The following TDRD5 variants were observed in gnomAD, a reference collection of about 807,000 sequenced individuals.
TDRD5 encodes tudor domain-containing protein 5.
TDRD5 carries 41 observed loss-of-function variants against 120.6 expected under a neutral mutation model. That is an observed-to-expected ratio of 0.34 (90% confidence interval 0.26 to 0.44). The LOEUF (loss-of-function observed/expected upper bound fraction) is 0.44, where lower values mean the gene tolerates loss of function less well. Among genes scored for constraint, TDRD5 ranks in the 20% least tolerant of loss-of-function variants. The pLI, the probability that TDRD5 is intolerant of heterozygous loss-of-function variation, is 1.00. For missense variants in TDRD5, 1,006 were observed against 1,221.2 expected, an observed-to-expected ratio of 0.82 and a Z score of 2.63; for synonymous variants, 430 against 433.7, an observed-to-expected ratio of 0.99 and a Z score of 0.11.
rs139072613 is a variant in TDRD5, at chr1:179,619,703, A to G, written c.915+1021A>G. 6.7e-4 allele frequency among the ~76,000 whole-genome samples: 102 copies of G among 152,012 alleles called. No individual in the cohort carries two copies. The East Asian group carries it at 0.019, about 28-fold the overall frequency. ...CGTGGTGCAATCATAGCTCACTGCA[A>G]CCATCAACTCTGGGCTCAAGCAATC... On this transcript the variant is annotated intron_variant, in intron 5 of 17. Transcript: ENST00000444136.
intron 11 of TDRD5, among the ~76,000 whole-genome samples, chr1:179,640,855 A>G (rs1678005788): frequency 6.6e-6 from 1 of 152,218 alleles, no homozygotes; most frequent in Admixed American, 6.5e-5. Flanking sequence ...CAGCGGGTGC[A>G]TGGTAGAAAA....
chr1:179,673,849 G>C (rs1226268684), intron 17 of TDRD5, among the ~76,000 whole-genome samples: 1 of 152,140 alleles, frequency 6.6e-6, no homozygotes, highest in Non-Finnish European at 1.5e-5. Context: ...TTGATTCTCA[G>C]CTTGGTCACT....
chr1:179,636,553 T>G (rs1213054443), intron 9 of TDRD5, among the ~76,000 whole-genome samples: 1 of 152,218 alleles, frequency 6.6e-6, no homozygotes, highest in Non-Finnish European at 1.5e-5. Context: ...CAAAGCTGCT[T>G]CTAAGCATGG....
chr1:179,652,251 T>C, intron 13 of TDRD5, 54 bp downstream of exon 13: 1 of 1,482,700 alleles, frequency 6.7e-7, no homozygotes, highest in Non-Finnish European at 9.0e-7. Context: ...GTAATCCTCA[T>C]TTTTTTAGAT....
chr1:179,609,340 AATTTTATACAAT>A (rs1676161200), intron 4 of TDRD5, among the ~76,000 whole-genome samples: 1 of 152,184 alleles, frequency 6.6e-6, no homozygotes, highest in African/African-American at 2.4e-5. Flanking sequence ...AGCTGAAGGC[AATTTTATACAAT>A]ATTTTAGATA....
intron 17 of TDRD5, among the ~76,000 whole-genome samples, chr1:179,681,943 T>C (rs866970351): frequency 0.017 from 24 of 1,438 alleles, no homozygotes; most frequent in Middle Eastern, 0.5. Flanking sequence ...TTTTTCTTTT[T>C]TTTTTTTTTT....
At chr1:179,629,416 G>A (rs1171839551) in intron 6 of TDRD5, among the ~76,000 whole-genome samples, 6 of 151,802 alleles carry the variant, frequency 4.0e-5, no homozygotes, top group African/African-American at 9.7e-5. Flanking sequence ...TAATTTGCAC[G>A]ATAGATTAAG....
At chr1:179,652,307 C>A in intron 13 of TDRD5, 110 bp downstream of exon 13, 1 of 1,088,602 alleles carries the variant, frequency 9.2e-7, no homozygotes, top group Non-Finnish European at 1.3e-6. Context: ...GGAAATTTTG[C>A]ACAGTGATCT....
intron 7 of TDRD5, among the ~76,000 whole-genome samples, chr1:179,631,251 G>C (rs1432427230): frequency 6.6e-6 from 1 of 152,064 alleles, no homozygotes; most frequent in Non-Finnish European, 1.5e-5. Flanking sequence ...AACTAGCCAG[G>C]CGTGGTGGTG....
intron 16 of TDRD5, among the ~76,000 whole-genome samples, chr1:179,664,427 G>A (rs1027563958): frequency 2.6e-5 from 4 of 151,552 alleles, no homozygotes; most frequent in East Asian, 1.9e-4. Flanking sequence ...TTTTCATCAC[G>A]CTCTCAAAAA....
In TDRD5 at chr1:179,691,233, G is replaced by A. The variant is rs572915853; in HGVS notation, c.*290G>A. On this transcript the variant is annotated 3_prime_UTR_variant, in exon 18 of 18. Transcript: ENST00000444136. The stretch of plus-strand genomic sequence containing the variant: ...TTGTTTTTTTGTGTTTGTTTTTCTT[G>A]TACATTATCATGACTGATAAATGAA... 2 of 256,494 alleles carry A rather than the reference G, an allele frequency of 7.8e-6. No homozygotes were observed. The highest frequency in any genetic ancestry group is 2.2e-5 in the African/African-American group (1 of 44,660). 15.9% of individuals were successfully genotyped at this position (256,494 alleles called of 1,614,324 possible). A position where few individuals can be genotyped will look rare whatever the true frequency, so the allele number is the denominator to read the frequency against.
intron 17 of TDRD5, among the ~76,000 whole-genome samples, chr1:179,671,643 T>C (rs905685993): frequency 1.3e-5 from 2 of 152,200 alleles, no homozygotes; most frequent in Admixed American, 6.5e-5. Context: ...TTTGGTTACT[T>C]GAAAGTTCTT....
chr1:179,682,911 T>A (rs964804185), intron 17 of TDRD5, among the ~76,000 whole-genome samples: 4 of 152,330 alleles, frequency 2.6e-5, no homozygotes, highest in South Asian at 4.1e-4. Flanking sequence ...TGCCTGCTGC[T>A]TTCTGGTAGT....
At chr1:179,600,232 C>T (rs974352914) in intron 4 of TDRD5, among the ~76,000 whole-genome samples, 1 of 152,110 alleles carries the variant, frequency 6.6e-6, no homozygotes, top group African/African-American at 2.4e-5. Context: ...ACACATTCAC[C>T]ACCCACTCAC....
intron 17 of TDRD5, among the ~76,000 whole-genome samples, chr1:179,671,634 T>C (rs186885165): frequency 6.6e-6 from 1 of 152,266 alleles, no homozygotes; most frequent in East Asian, 1.9e-4. Flanking sequence ...CAGGTGGTGT[T>C]TGGTTACTTG....
intron 17 of TDRD5, among the ~76,000 whole-genome samples, chr1:179,680,866 T>TA (rs1315292998): frequency 2.0e-5 from 3 of 151,888 alleles, no homozygotes; most frequent in African/African-American, 2.4e-5. Context: ...AAGATGGAAT[T>TA]AAAAAAACCT....
intron 3 of TDRD5, among the ~76,000 whole-genome samples, 172 bp from the exon 4 acceptor site, chr1:179,595,456 T>C (rs2101905230): frequency 6.6e-6 from 1 of 152,290 alleles, no homozygotes; most frequent in Non-Finnish European, 1.5e-5. Flanking sequence ...GACTAATAAC[T>C]TACACTATAT....
intron 1 of TDRD5, 115 bp from the exon 2 acceptor site, chr1:179,592,487 T>C: frequency 1.3e-6 from 1 of 790,506 alleles, no homozygotes; most frequent in East Asian, 2.6e-5. Context: ...CTACTACTTC[T>C]GCCTTATTAC....
intron 11 of TDRD5, among the ~76,000 whole-genome samples, chr1:179,649,049 C>T (rs973625416): frequency 1.3e-5 from 2 of 152,168 alleles, no homozygotes; most frequent in African/African-American, 4.8e-5. Flanking sequence ...TTACTGGCTT[C>T]TGGTTTCCCT....
Sources: allele counts gnomAD v4.1 joint callset (sites outside exome capture counted in the v4.1 genomes callset), GRCh38; gene constraint gnomAD v4.1.1; transcripts MANE v1.5; gene names NCBI Gene and HGNC (gene_info 2026-07-23, HGNC 2026-07-21).